AKAP6: variants seen among roughly 807,000 people sequenced by gnomAD.
AKAP6 encodes the protein A-kinase anchoring protein 6.
AKAP6 carries 58 observed loss-of-function variants against 188.5 expected under a neutral mutation model. The observed-to-expected ratio is 0.31, with a 90% CI of 0.25 to 0.38. The LOEUF is 0.38. Among genes scored for constraint, AKAP6 ranks in the 10% least tolerant of loss-of-function variants. AKAP6 has a pLI of 1.00. For missense variants in AKAP6, 2,710 were observed against 2,740.0 expected (o/e 0.99, Z 0.24); for synonymous variants, 989 against 998.6 (o/e 0.99, Z 0.18).
chr14:32,363,653 T>G (rs1887735284), intron 1 of AKAP6, among the ~76,000 whole-genome samples: 4 of 152,198 alleles, frequency 2.6e-5, no homozygotes. Context: ...CTCTTTCCAC[T>G]TTTTTTCTGC....
chr14:32,469,581 T>G (rs1878655168), intron 2 of AKAP6, among the ~76,000 whole-genome samples: 1 of 152,168 alleles, frequency 6.6e-6, no homozygotes. Flanking sequence ...GTACATTTAC[T>G]GTTTACTTGT....
At chr14:32,447,995 A>C (rs1273145919) in intron 2 of AKAP6, among the ~76,000 whole-genome samples, 1 of 152,238 alleles carries the variant, frequency 6.6e-6, no homozygotes, top group Non-Finnish European at 1.5e-5. Context: ...GGACATTTTG[A>C]TTAATGATGC....
chr14:32,480,679 T>C (rs2138897937), intron 2 of AKAP6, among the ~76,000 whole-genome samples: 1 of 149,494 alleles, frequency 6.7e-6, no homozygotes, highest in South Asian at 2.1e-4. Context: ...GGTCTCACTA[T>C]GGTAGGTGAG....
At chr14:32,708,231 A>G (rs1218813627) in intron 9 of AKAP6, among the ~76,000 whole-genome samples, 3 of 152,064 alleles carry the variant, frequency 2.0e-5, no homozygotes, top group Non-Finnish European at 4.4e-5. Flanking sequence ...TTGGCAGGAG[A>G]GTTTATTGAC....
intron 7 of AKAP6, among the ~76,000 whole-genome samples, chr14:32,603,641 T>TA (rs1336318558): frequency 1.3e-5 from 2 of 152,216 alleles, no homozygotes; most frequent in Non-Finnish European, 2.9e-5. Flanking sequence ...CTGCAGGGAC[T>TA]ACATGATCCT....
intron 7 of AKAP6, among the ~76,000 whole-genome samples, chr14:32,662,280 A>T (rs1420523104): frequency 6.6e-6 from 1 of 152,050 alleles, no homozygotes; most frequent in East Asian, 1.9e-4. Context: ...TTGTCATTTT[A>T]AAAAAATACA....
chr14:32,546,332 G>A lies in AKAP6; in HGVS notation c.1679G>A (p.Arg560Lys). 1 of 1,614,178 alleles carries A rather than the reference G, an allele frequency of 6.2e-7. No homozygotes were observed. Reference sequence around the variant, plus strand: ...TCCTCACTTGAGCCTTGTAATCAGAGAAGTTGGAATGCCAAATTGCAATTG... The same window carrying A: ...TCCTCACTTGAGCCTTGTAATCAGAAAAGTTGGAATGCCAAATTGCAATTG... ...STSSLEPCNQRSWNAKLQLQS... is the reference protein window; with the variant it reads ...STSSLEPCNQKSWNAKLQLQS... Residue 560 changes from arginine (R) to lysine (K), a missense_variant, in exon 4 of 14, where the codon AGA becomes AAA. Physicochemically the swap from Arg to Lys is conservative, Grantham distance 26. Around this residue, in one of 2 missense-constraint regions of AKAP6, gnomAD observed 2,473 missense variants for 2,426.1 expected, o/e 1.02. Coordinates refer to ENST00000280979, the MANE Select transcript of AKAP6 (RefSeq NM_004274.5).
Position 32,546,836 on chromosome 14 carries a change from T to A in AKAP6, c.2183T>A (p.Met728Lys). 1.2e-6 allele frequency: 2 copies of A among 1,614,118 alleles called. No individual in the cohort carries two copies. The highest frequency in any genetic ancestry group is 8.5e-7 in the Non-Finnish European group (1 of 1,180,010). The change falls in exon 4 of 14, where the codon ATG (methionine) becomes AAG (lysine). Residue 728 changes from methionine (M) to lysine (K), a missense_variant. Around this residue, in one of 2 missense-constraint regions of AKAP6, gnomAD observed 2,473 missense variants for 2,426.1 expected, o/e 1.02. Coordinates refer to ENST00000280979, the MANE Select transcript of AKAP6 (RefSeq NM_004274.5). Reference sequence around the variant, plus strand: ...ATTCTTTCTGATGAGGAGTCCAGTATGCCTCTCGCTGGCATGAAAAAGTAT... The same window carrying A: ...ATTCTTTCTGATGAGGAGTCCAGTAAGCCTCTCGCTGGCATGAAAAAGTAT... ...SDILSDEESS[M>K]PLAGMKKYAD...
At position 32,534,079 on chromosome 14, in the gene AKAP6, T is replaced by G. The variant is rs570149755; in HGVS notation, c.325-1475T>G. ...ATTAATATTCATAATTTAGCACAAT[T>G]TATCATTCTTCAATAGATTTTTTCC... On this transcript the variant is annotated intron_variant, in intron 2 of 13. Transcript: ENST00000280979. 1.8e-4 allele frequency among the ~76,000 whole-genome samples: 27 copies of G among 152,316 alleles called. No homozygotes were observed. In the South Asian group the frequency reaches 5.6e-3, roughly 32 times the overall value.
At chr14:32,480,487 A>G (rs1879286651) in intron 2 of AKAP6, among the ~76,000 whole-genome samples, 1 of 152,134 alleles carries the variant, frequency 6.6e-6, no homozygotes, top group South Asian at 2.1e-4. Flanking sequence ...ATGGTCAGTT[A>G]TGTGCTCTGA....
chr14:32,582,381 C>T (rs1284522728), intron 5 of AKAP6, among the ~76,000 whole-genome samples: 2 of 151,856 alleles, frequency 1.3e-5, no homozygotes, highest in Admixed American at 6.5e-5. Context: ...GTCTGATGGG[C>T]TTCCCTTTGT....
chr14:32,500,130 A>G (rs185813962), intron 2 of AKAP6, among the ~76,000 whole-genome samples: 1 of 152,250 alleles, frequency 6.6e-6, no homozygotes, highest in East Asian at 1.9e-4. Context: ...TTTCAAGAAA[A>G]GAGAGACGAG....
Position 32,480,778 on chromosome 14 carries a change from T to C in AKAP6, c.324+46961T>C, listed in dbSNP as rs150821276. ...CCAGGTCTGATTCTTCTTATTCTCC[T>C]TGGGCCTTCATTTCTGCCCACTCAA... On this transcript the variant is annotated intron_variant, in intron 2 of 13. Transcript: ENST00000280979. 1.1e-3 allele frequency among the ~76,000 whole-genome samples: 164 copies of C among 152,324 alleles called. 4 individuals carry two copies. In the East Asian group the frequency reaches 0.026, roughly 24 times the overall value.
At chr14:32,601,730 C>T (rs1317912094) in intron 7 of AKAP6, among the ~76,000 whole-genome samples, 1 of 152,182 alleles carries the variant, frequency 6.6e-6, no homozygotes, top group African/African-American at 2.4e-5. Flanking sequence ...CACATTTATT[C>T]AGCATCCATG....
intron 11 of AKAP6, among the ~76,000 whole-genome samples, chr14:32,761,467 A>G (rs2139946720): frequency 6.6e-6 from 1 of 152,310 alleles, no homozygotes; most frequent in East Asian, 1.9e-4. Context: ...ATAAGTCTGG[A>G]AAAATAAGGC....
intron 13 of AKAP6, among the ~76,000 whole-genome samples, chr14:32,828,529 TCACACACACA>T (rs55957852): frequency 0.08 from 6,072 of 75,714 alleles, 284 homozygotes; most frequent in African/African-American, 0.2. Context: ...TCTCTCTCTC[TCACACACACA>T]CACACACACA....
chr14:32,772,080 A>G (rs1343257324), intron 11 of AKAP6, among the ~76,000 whole-genome samples: 1 of 152,000 alleles, frequency 6.6e-6, no homozygotes, highest in East Asian at 1.9e-4. Flanking sequence ...TTGAGTGAAA[A>G]GAAGAGACAG....
At chr14:32,463,297 A>G (rs960856613) in intron 2 of AKAP6, among the ~76,000 whole-genome samples, 4 of 152,214 alleles carry the variant, frequency 2.6e-5, no homozygotes, top group Non-Finnish European at 4.4e-5. Flanking sequence ...CAGAATATAC[A>G]TTCTTCTCAG....
chr14:32,683,435 GA>G (rs1459649767), intron 8 of AKAP6, among the ~76,000 whole-genome samples: 1 of 152,192 alleles, frequency 6.6e-6, no homozygotes. Context: ...TGGTCCACAG[GA>G]TGAAGAGAGT....
Sources: allele counts gnomAD v4.1 joint callset (sites outside exome capture counted in the v4.1 genomes callset), GRCh38; gene constraint gnomAD v4.1.1; regional missense constraint gnomAD v4.1.1; transcripts MANE v1.5; gene names NCBI Gene and HGNC (gene_info 2026-07-23, HGNC 2026-07-21).